The following NALF1 variants were observed in gnomAD, a reference collection of about 807,000 sequenced individuals.
NALF1 encodes the protein family with sequence similarity 155 member A.
Under a neutral mutation model 48.4 loss-of-function variants are expected in NALF1, and 3 were observed. That is an observed-to-expected ratio of 0.06 (90% confidence interval 0.03 to 0.16). The LOEUF (loss-of-function observed/expected upper bound fraction) is 0.16, where lower values mean the gene tolerates loss of function less well. NALF1 is among the 10% of genes least tolerant of loss of function. The pLI, the probability that NALF1 is intolerant of heterozygous loss-of-function variation, is 1.00. For missense variants in NALF1, 526 were observed against 571.5 expected, an observed-to-expected ratio of 0.92 and a Z score of 0.81; for synonymous variants, 262 against 245.7, an observed-to-expected ratio of 1.07 and a Z score of -0.62.
At chr13:107,688,032 T>A (rs1016083140) in intron 1 of NALF1, among the ~76,000 whole-genome samples, 4 of 152,198 alleles carry the variant, frequency 2.6e-5, no homozygotes, top group African/African-American at 9.7e-5. Context: ...ACAACAATAT[T>A]AACTAAAAAA....
At chr13:107,178,956 A>AAC (rs1566442633) in intron 2 of NALF1, among the ~76,000 whole-genome samples, 10 of 114,850 alleles carry the variant, frequency 8.7e-5, no homozygotes, top group Admixed American at 3.4e-4. Flanking sequence ...AAAAACAAAC[A>AAC]AAAAAAAAAA....
intron 1 of NALF1, among the ~76,000 whole-genome samples, chr13:107,641,573 A>G (rs1880157340): frequency 6.6e-6 from 1 of 152,188 alleles, no homozygotes; most frequent in African/African-American, 2.4e-5. Context: ...GAAAAAACAA[A>G]TAGAGATTTG....
At chr13:107,640,791 C>G (rs947386636) in intron 1 of NALF1, among the ~76,000 whole-genome samples, 12 of 152,078 alleles carry the variant, frequency 7.9e-5, no homozygotes, top group African/African-American at 2.4e-4. Flanking sequence ...TAATAAAAGA[C>G]CCCAAAGAGA....
intron 1 of NALF1, among the ~76,000 whole-genome samples, chr13:107,389,580 T>A (rs1305281293): frequency 6.6e-6 from 1 of 152,176 alleles, no homozygotes; most frequent in East Asian, 1.9e-4. Flanking sequence ...TTGATTAAGC[T>A]ACCAAGGTTG....
At chr13:107,205,140 A>G (rs1003679371) in intron 2 of NALF1, among the ~76,000 whole-genome samples, 1 of 151,882 alleles carries the variant, frequency 6.6e-6, no homozygotes, top group East Asian at 1.9e-4. Flanking sequence ...ATATCTCCCA[A>G]TGCTATCCCT....
intron 1 of NALF1, among the ~76,000 whole-genome samples, chr13:107,783,026 C>G (rs1230082646): frequency 2.9e-5 from 4 of 140,026 alleles, no homozygotes; most frequent in Admixed American, 2.1e-4. Flanking sequence ...GGGGGGTCAG[C>G]CCCCCGCCCG....
chr13:107,479,888 A>G (rs1414160193), intron 1 of NALF1, among the ~76,000 whole-genome samples: 1 of 152,042 alleles, frequency 6.6e-6, no homozygotes, highest in African/African-American at 2.4e-5. Flanking sequence ...TTTTTTTTGA[A>G]AGTCACACAC....
At position 107,350,409 on chromosome 13, in the gene NALF1, C is replaced by A. The variant is rs912918963; in HGVS notation, c.916-139654G>T. 4.6e-5 allele frequency among the ~76,000 whole-genome samples: 7 copies of A among 152,168 alleles called. No individual in the cohort carries two copies. The South Asian group carries it at 1.4e-3, about 31-fold the overall frequency. The stretch of plus-strand genomic sequence containing the variant: ...AAGTGCTTCACATAAAAGCAATATT[C>A]TTTTTAAGAGTTAACAAAAAGTAGT... On this transcript the variant is annotated intron_variant, in intron 1 of 2. Transcript: ENST00000375915.
intron 1 of NALF1, among the ~76,000 whole-genome samples, chr13:107,428,864 T>C (rs1884326430): frequency 1.3e-5 from 2 of 152,198 alleles, no homozygotes; most frequent in Admixed American, 6.5e-5. Flanking sequence ...TTTTACACTA[T>C]TTGAAGAACC....
Position 107,381,208 on chromosome 13 carries a change from T to G in NALF1, c.916-170453A>C, listed in dbSNP as rs545874521. 4.5e-3 allele frequency among the ~76,000 whole-genome samples: 681 copies of G among 150,318 alleles called. 2 individuals carry two copies. The highest frequency in any genetic ancestry group is 0.016 in the African/African-American group (650 of 41,146). ...GGACTTAAAGAAAAAAATAGAGTTT[T>G]TTTTTTTTTTGAGACAAATTCTTGC... On this transcript the variant is annotated intron_variant, in intron 1 of 2. Transcript: ENST00000375915.
chr13:107,804,170 T>A (rs540459492), intron 1 of NALF1, among the ~76,000 whole-genome samples: 1 of 152,342 alleles, frequency 6.6e-6, no homozygotes, highest in South Asian at 2.1e-4. Flanking sequence ...TTCTCTCGCC[T>A]GTCCACCTTG....
chr13:107,453,680 G>A (rs1392903332), intron 1 of NALF1, among the ~76,000 whole-genome samples: 1 of 152,152 alleles, frequency 6.6e-6, no homozygotes, highest in African/African-American at 2.4e-5. Flanking sequence ...GCAAATTTCT[G>A]CAGCCAGCTT....
rs74987877 is a variant in NALF1, at chr13:107,534,892, G to A, written c.916-324137C>T. On this transcript the variant is annotated intron_variant, in intron 1 of 2. Coordinates refer to ENST00000375915, the MANE Select transcript of NALF1 (RefSeq NM_001080396.3). The stretch of plus-strand genomic sequence containing the variant: ...AGCATTTTTTTCTTCTGACTCAAAC[G>A]CATCCACATACCAAGATTTCTGCAG... 7.4e-3 allele frequency among the ~76,000 whole-genome samples: 1,127 copies of A among 152,168 alleles called. 44 individuals are homozygous for A. In the East Asian group the frequency reaches 0.1, roughly 14 times the overall value.
chr13:107,802,197 A>T (rs1878638662), intron 1 of NALF1, among the ~76,000 whole-genome samples: 1 of 152,160 alleles, frequency 6.6e-6, no homozygotes, highest in African/African-American at 2.4e-5. Context: ...GCTTCATTTC[A>T]ATTTGTAAGA....
chr13:107,202,383 A>G (rs1353503198), intron 2 of NALF1, among the ~76,000 whole-genome samples: 2 of 148,958 alleles, frequency 1.3e-5, no homozygotes, highest in Non-Finnish European at 3.0e-5. Context: ...TAGATATTAT[A>G]TATTATATAT....
At chr13:107,558,291 T>C (rs1877540679) in intron 1 of NALF1, among the ~76,000 whole-genome samples, 1 of 152,180 alleles carries the variant, frequency 6.6e-6, no homozygotes, top group South Asian at 2.1e-4. Flanking sequence ...TTACTTCTAA[T>C]TGTACATTAT....
chr13:107,759,487 C>T (rs1027190415), intron 1 of NALF1, among the ~76,000 whole-genome samples: 1 of 152,154 alleles, frequency 6.6e-6, no homozygotes, highest in African/African-American at 2.4e-5. Context: ...GGATTACAGG[C>T]GTGGGCCACC....
intron 1 of NALF1, among the ~76,000 whole-genome samples, chr13:107,840,770 T>C (rs1310932806): frequency 6.6e-6 from 1 of 152,104 alleles, no homozygotes; most frequent in Non-Finnish European, 1.5e-5. Context: ...ATCAAACCCA[T>C]CAGACACAGT....
At chr13:107,683,410 T>G (rs1431890733) in intron 1 of NALF1, among the ~76,000 whole-genome samples, 1 of 152,218 alleles carries the variant, frequency 6.6e-6, no homozygotes, top group Non-Finnish European at 1.5e-5. Context: ...CCATGCCATA[T>G]CTGCCTATAT....
Sources: gnomAD v4.1 joint callset for allele counts (sites outside exome capture counted in the v4.1 genomes callset) on GRCh38, gnomAD v4.1.1 for gene constraint, MANE v1.5 for transcripts, NCBI Gene and HGNC (gene_info 2026-07-23, HGNC 2026-07-21) for gene names.